Variants in AS3MT observed in about 807,000 individuals in gnomAD.
AS3MT encodes S-adenosyl-L-methionine:arsenic(III) methyltransferase.
Under a neutral mutation model 45.3 loss-of-function variants are expected in AS3MT, and 47 were observed. The observed-to-expected ratio is 1.04, with a 90% CI of 0.82 to 1.32. The LOEUF is 1.32. AS3MT is among the 40% of genes most tolerant of loss of function. The probability of loss-of-function intolerance (pLI) is 0.00; values close to 1 mark genes in which losing one functional copy is unlikely to be tolerated. For synonymous variants in AS3MT, 141 were observed against 152.8 expected (o/e 0.92, Z 0.57); for missense variants, 396 against 451.1 (o/e 0.88, Z 1.11).
intron 9 of AS3MT, among the ~76,000 whole-genome samples, chr10:102,879,313 C>T (rs754534768): frequency 8.5e-5 from 13 of 152,122 alleles, no homozygotes; most frequent in Non-Finnish European, 1.8e-4. Flanking sequence ...CTCATCACCA[C>T]ACCTGGCTAA....
chr10:102,872,679 C>A (rs747816486), intron 4 of AS3MT, 81 bp downstream of exon 4: 5 of 1,442,120 alleles, frequency 3.5e-6, no homozygotes, highest in Admixed American at 4.9e-5. Context: ...CTTCGTGGCT[C>A]TTCAAGGATA....
chr10:102,871,727 C>CAAACA (rs139792328), intron 3 of AS3MT, among the ~76,000 whole-genome samples: 2,803 of 148,200 alleles, frequency 0.019, 35 homozygotes, highest in Middle Eastern at 0.041. Context: ...GACTCCGTCT[C>CAAACA]AAACAAAACA....
At chr10:102,888,406 A>G (rs1844992727) in intron 9 of AS3MT, among the ~76,000 whole-genome samples, 2 of 151,988 alleles carry the variant, frequency 1.3e-5, no homozygotes, top group African/African-American at 2.4e-5. Flanking sequence ...TATCACCTTC[A>G]ATATTTGTCT....
chr10:102,888,884 T>A (rs1248920271), intron 9 of AS3MT, among the ~76,000 whole-genome samples: 1,292 of 96,284 alleles, frequency 0.013, 12 homozygotes, highest in African/African-American at 0.047. Flanking sequence ...TATATATATT[T>A]TTTTTTTTTT....
intron 10 of AS3MT, among the ~76,000 whole-genome samples, chr10:102,897,064 T>G (rs1845185077): frequency 6.6e-6 from 1 of 152,074 alleles, no homozygotes; most frequent in African/African-American, 2.4e-5. Context: ...CTAATTCTTC[T>G]AAAACCTGGT....
At chr10:102,874,517 T>C in intron 5 of AS3MT, 75 bp from the exon 6 acceptor site, 1 of 1,133,034 alleles carries the variant, frequency 8.8e-7, no homozygotes. Flanking sequence ...GGGAACCACC[T>C]TTAGGGTCTG....
chr10:102,898,495 C>T (rs1845217806), intron 10 of AS3MT, among the ~76,000 whole-genome samples: 1 of 152,076 alleles, frequency 6.6e-6, no homozygotes, highest in Non-Finnish European at 1.5e-5. Context: ...TTTTGGAAGA[C>T]TGAGGCAGGA....
rs2134115761 is a variant in AS3MT, at chr10:102,878,591, A to G, written c.742+81A>G. The G allele has an allele frequency of 2.6e-6, 4 of 1,547,028 alleles. No homozygotes were observed. In the South Asian group the frequency reaches 3.5e-5, roughly 14 times the overall value. On this transcript the variant is annotated intron_variant, in intron 8 of 10. Coordinates refer to ENST00000369880, the MANE Select transcript of AS3MT (RefSeq NM_020682.4). ...GTGGTGATTAGTAAGTAACTTCTGA[A>G]GGAGTCTCATTGAGGGATACTTTCT...
chr10:102,888,025 G>C (rs1336084433), intron 9 of AS3MT: 2 of 158,164 alleles, frequency 1.3e-5, no homozygotes, highest in Non-Finnish European at 2.8e-5. Flanking sequence ...TGATCTTGCT[G>C]TTGCTCCTTT....
intron 1 of AS3MT, 68 bp from the exon 2 acceptor site, chr10:102,869,737 C>T: frequency 6.2e-7 from 1 of 1,612,416 alleles, no homozygotes; most frequent in East Asian, 2.2e-5. Context: ...CTGCCCTTTA[C>T]TGGCCCCCTC....
chr10:102,897,888 T>G (rs1302405412), intron 10 of AS3MT, among the ~76,000 whole-genome samples: 1 of 152,252 alleles, frequency 6.6e-6, no homozygotes, highest in Non-Finnish European at 1.5e-5. Context: ...TACAGGAGGT[T>G]CTTGACCTTA....
rs1203262065 is a variant in AS3MT, at chr10:102,874,663, TGAG to T, written c.528+9_528+11del. 2.7e-5 allele frequency: 43 copies of T among 1,602,782 alleles called. No homozygotes were observed. Among genetic ancestry groups the T allele is most frequent in the Non-Finnish European group, 3.3e-5 (39 of 1,172,132 alleles). On this transcript the variant is annotated splice_donor_5th_base_variant and intron_variant, in intron 6 of 10. Coordinates refer to ENST00000369880, the MANE Select transcript of AS3MT (RefSeq NM_020682.4). ...CAGGAGGCATATCGGGTGCTGAAGGTGAGGAGGAGAGTGAGATAAATTATCTTT... is the reference window on the plus strand; with the variant it reads ...CAGGAGGCATATCGGGTGCTGAAGGTGAGGAGAGTGAGATAAATTATCTTT...
chr10:102,882,585 T>C (rs1023547546), intron 9 of AS3MT, among the ~76,000 whole-genome samples: 2 of 151,768 alleles, frequency 1.3e-5, no homozygotes, highest in Non-Finnish European at 2.9e-5. Context: ...TCAAATTTCT[T>C]ATTTATTTAT....
chr10:102,869,669 G>T (rs1844641866), intron 1 of AS3MT, 76 bp downstream of exon 1: 4 of 1,570,630 alleles, frequency 2.5e-6, no homozygotes, highest in Non-Finnish European at 2.6e-6. Context: ...GAACGCGAGC[G>T]CCTCCCCCGA....
chr10:102,886,929 C>T (rs1564794041), intron 9 of AS3MT, among the ~76,000 whole-genome samples: 1 of 152,178 alleles, frequency 6.6e-6, no homozygotes, highest in Non-Finnish European at 1.5e-5. Context: ...ATAGGCATTA[C>T]TTGAAATCTT....
At chr10:102,895,628 C>T (rs1337817301) in intron 10 of AS3MT, among the ~76,000 whole-genome samples, 1 of 152,174 alleles carries the variant, frequency 6.6e-6, no homozygotes, top group Admixed American at 6.5e-5. Flanking sequence ...GAGTTACAAA[C>T]CATTGTTACA....
chr10:102,893,530 C>G (rs998583420), intron 10 of AS3MT, among the ~76,000 whole-genome samples: 4 of 137,662 alleles, frequency 2.9e-5, no homozygotes, highest in African/African-American at 1.1e-4. Context: ...GAGTCTTGCT[C>G]TGTTGCCCAG....
chr10:102,888,877 A>ATTTTTTTTT (rs1328370210), intron 9 of AS3MT, among the ~76,000 whole-genome samples: 94 of 47,756 alleles, frequency 2.0e-3, no homozygotes, highest in Middle Eastern at 0.013. Flanking sequence ...ATATATATAT[A>ATTTTTTTTT]TATATTTTTT....
intron 7 of AS3MT, 57 bp from the exon 8 acceptor site, chr10:102,878,322 T>A: frequency 6.3e-7 from 1 of 1,593,982 alleles, no homozygotes. Flanking sequence ...ATAGTTCCCT[T>A]AATACTGTAT....
Sources: gnomAD v4.1 joint callset for allele counts (sites outside exome capture counted in the v4.1 genomes callset) on GRCh38, gnomAD v4.1.1 for gene constraint, MANE v1.5 for transcripts, NCBI Gene and HGNC (gene_info 2026-07-23, HGNC 2026-07-21) for gene names.